LINGO2: variants seen among roughly 807,000 people sequenced by gnomAD.
LINGO2 encodes the protein leucine rich repeat and Ig domain containing 2.
Under a neutral mutation model 30.6 loss-of-function variants are expected in LINGO2, and 14 were observed. That is an observed-to-expected ratio of 0.46 (90% CI 0.30 to 0.72). The LOEUF is 0.72. LINGO2 is among the 30% of genes least tolerant of loss of function. The pLI, the probability that LINGO2 is intolerant of heterozygous loss-of-function variation, is 0.07. For synonymous variants in LINGO2, 317 were observed against 288.5 expected, an observed-to-expected ratio of 1.10 and a Z score of -1.00; for missense variants, 729 against 751.7, an observed-to-expected ratio of 0.97 and a Z score of 0.35.
At chr9:28,975,797 G>C in the LINGO2 span, among the ~76,000 whole-genome samples, 2 of 152,190 alleles carry the variant, frequency 1.3e-5, no homozygotes, top group East Asian at 3.9e-4. Context: ...TAGCAAGCAT[G>C]TCAGAAATTT....
At chr9:28,986,516 C>A in the LINGO2 span, among the ~76,000 whole-genome samples, 3 of 152,020 alleles carry the variant, frequency 2.0e-5, no homozygotes, top group Non-Finnish European at 4.4e-5. Flanking sequence ...CACAAACCAT[C>A]TTTCCATTTA....
chr9:28,927,352 G>A, the LINGO2 span, among the ~76,000 whole-genome samples: 1 of 152,158 alleles, frequency 6.6e-6, no homozygotes, highest in East Asian at 1.9e-4. Flanking sequence ...TCAGACCAAA[G>A]ACTCTCCCAA....
At chr9:28,910,847 G>C in the LINGO2 span, among the ~76,000 whole-genome samples, 1 of 152,018 alleles carries the variant, frequency 6.6e-6, no homozygotes, top group African/African-American at 2.4e-5. Flanking sequence ...TACTAGTCCT[G>C]TATATGGGAA....
the LINGO2 span, among the ~76,000 whole-genome samples, chr9:29,117,679 T>G: frequency 6.6e-6 from 1 of 152,184 alleles, no homozygotes; most frequent in Non-Finnish European, 1.5e-5. Flanking sequence ...CAGCCAACAT[T>G]CTACAGCAGC....
the LINGO2 span, among the ~76,000 whole-genome samples, chr9:29,075,690 G>C: frequency 6.6e-6 from 1 of 152,068 alleles, no homozygotes; most frequent in Non-Finnish European, 1.5e-5. Flanking sequence ...GAGGAAAAGA[G>C]GCATTTCAGT....
the LINGO2 span, among the ~76,000 whole-genome samples, chr9:29,130,551 C>T: frequency 6.6e-6 from 1 of 152,060 alleles, no homozygotes; most frequent in African/African-American, 2.4e-5. Flanking sequence ...TCCCCCAGAG[C>T]AAAAATTAAT....
At chr9:28,362,227 T>TGCGCGC (rs1335269175) in intron 3 of LINGO2, among the ~76,000 whole-genome samples, 15 of 152,002 alleles carry the variant, frequency 9.9e-5, no homozygotes, top group Non-Finnish European at 1.6e-4. Context: ...TGTGTGTGTG[T>TGCGCGC]GTGCGCATGC....
At chr9:27,999,435 T>TGAGAGAGAGAGAGAGAGAGAGAGA (rs1156717819) in intron 5 of LINGO2, among the ~76,000 whole-genome samples, 15 of 103,014 alleles carry the variant, frequency 1.5e-4, no homozygotes, top group African/African-American at 5.7e-4. Flanking sequence ...TGCCTAATCT[T>TGAGAGAGAGAGAGAGAGAGAGAGA]CAGAGAGAGA....
chr9:28,486,219 C>T (rs1227013807), intron 1 of LINGO2, among the ~76,000 whole-genome samples: 2 of 152,072 alleles, frequency 1.3e-5, no homozygotes, highest in African/African-American at 2.4e-5. Flanking sequence ...GAGGGTAACA[C>T]TAGCTGTTGT....
the LINGO2 span, among the ~76,000 whole-genome samples, chr9:29,144,034 C>T: frequency 2.0e-5 from 3 of 152,046 alleles, no homozygotes; most frequent in African/African-American, 7.2e-5. Context: ...GAATCATTTC[C>T]CCATTGCTTG....
intron 1 of LINGO2, among the ~76,000 whole-genome samples, chr9:28,666,112 G>A (rs367679727): frequency 3.9e-5 from 6 of 151,974 alleles, no homozygotes; most frequent in East Asian, 3.9e-4. Context: ...GGCTGGTCTC[G>A]AACTCCTGAC....
chr9:28,899,824 G>A, the LINGO2 span, among the ~76,000 whole-genome samples: 1 of 152,146 alleles, frequency 6.6e-6, no homozygotes, highest in Non-Finnish European at 1.5e-5. Flanking sequence ...GCTGTTCCCT[G>A]TTGCCCCATC....
intron 2 of LINGO2, among the ~76,000 whole-genome samples, chr9:28,434,207 GA>G (rs1423847939): frequency 6.6e-6 from 1 of 151,394 alleles, no homozygotes; most frequent in East Asian, 1.9e-4. Flanking sequence ...TGGGTTGTGG[GA>G]AGAGAGGGTT....
intron 4 of LINGO2, among the ~76,000 whole-genome samples, chr9:28,200,394 A>G (rs1209588309): frequency 6.6e-6 from 1 of 152,158 alleles, no homozygotes; most frequent in Non-Finnish European, 1.5e-5. Context: ...CCACGTTAAG[A>G]TCACACAGGC....
intron 4 of LINGO2, among the ~76,000 whole-genome samples, chr9:28,195,592 A>G (rs772861079): frequency 2.6e-5 from 4 of 151,164 alleles, no homozygotes; most frequent in Non-Finnish European, 5.9e-5. Context: ...TATATAAACA[A>G]ATTTGGGAAC....
At chr9:28,370,207 C>T (rs1820839864) in intron 3 of LINGO2, among the ~76,000 whole-genome samples, 1 of 152,150 alleles carries the variant, frequency 6.6e-6, no homozygotes, top group South Asian at 2.1e-4. Flanking sequence ...TCCAAACATA[C>T]CTTCACATTT....
intron 4 of LINGO2, among the ~76,000 whole-genome samples, chr9:28,235,691 G>A (rs561672403): frequency 3.3e-5 from 5 of 152,290 alleles, no homozygotes; most frequent in African/African-American, 1.2e-4. Context: ...AAATGCCACT[G>A]ACATGCTGAA....
At chr9:28,848,548 T>G in the LINGO2 span, among the ~76,000 whole-genome samples, 1 of 149,992 alleles carries the variant, frequency 6.7e-6, no homozygotes. Flanking sequence ...TTTCAACTTT[T>G]CTGCTTGGTT....
intron 1 of LINGO2, among the ~76,000 whole-genome samples, chr9:28,551,238 A>C (rs1822263352): frequency 6.6e-6 from 1 of 151,948 alleles, no homozygotes. Context: ...CTTAGAATTT[A>C]GTATAATAAA....
Sources: gnomAD v4.1 joint callset for allele counts (sites outside exome capture counted in the v4.1 genomes callset) on GRCh38, gnomAD v4.1.1 for gene constraint, MANE v1.5 for transcripts, NCBI Gene and HGNC (gene_info 2026-07-23, HGNC 2026-07-21) for gene names.